The following FREM2 variants were observed in gnomAD, a reference collection of about 807,000 sequenced individuals.
FREM2 encodes the protein FRAS1 related extracellular matrix 2.
A neutral mutation model predicts 219.9 loss-of-function variants in FREM2; 119 were observed. The ratio of observed to expected loss-of-function variants is 0.54; its 90% CI spans 0.47 to 0.63. FREM2 has a LOEUF of 0.63. Among genes scored for constraint, FREM2 ranks in the 30% least tolerant of loss-of-function variants. FREM2 has a pLI of 0.00. For missense variants in FREM2, 4,030 were observed against 3,993.6 expected (o/e 1.01, Z -0.25); for synonymous variants, 1,562 against 1,522.8 (o/e 1.03, Z -0.60).
intron 6 of FREM2, among the ~76,000 whole-genome samples, chr13:38,823,675 A>AAATAAT (rs200864241): frequency 2.0e-5 from 3 of 151,946 alleles, no homozygotes; most frequent in Admixed American, 2.0e-4. Flanking sequence ...CCAATAATTA[A>AAATAAT]AATAATAATA....
intron 6 of FREM2, among the ~76,000 whole-genome samples, chr13:38,832,769 G>A (rs1876559573): frequency 6.6e-6 from 1 of 152,086 alleles, no homozygotes; most frequent in African/African-American, 2.4e-5. Flanking sequence ...TCTCAGCAGG[G>A]TTCAGTGGCT....
intron 12 of FREM2, among the ~76,000 whole-genome samples, chr13:38,856,563 A>G (rs567752766): frequency 4.6e-5 from 7 of 152,158 alleles, no homozygotes; most frequent in Admixed American, 1.3e-4. Context: ...CTTGGGATTA[A>G]CCATCAGAGA....
In FREM2 at chr13:38,874,477, T is replaced by A. The variant is rs753903370; in HGVS notation, c.8177-5T>A. On this transcript the variant is annotated splice_region_variant and splice_polypyrimidine_tract_variant and intron_variant, in intron 17 of 23. Coordinates refer to ENST00000280481, the MANE Select transcript of FREM2 (RefSeq NM_207361.6). The stretch of plus-strand genomic sequence containing the variant: ...TTTTCATTCTTGGTACTCTCCCCAT[T>A]ATAGGTTCTCTCTATCCAACCAGCA... 1 of 1,612,062 alleles carries A rather than the reference T, an allele frequency of 6.2e-7. No homozygotes were observed. The highest frequency in any genetic ancestry group is 2.2e-5 in the East Asian group (1 of 44,874).
Position 38,734,206 on chromosome 13 carries a change from A to G in FREM2, c.5264-30098A>G, listed in dbSNP as rs185688136. Among the ~76,000 whole-genome samples the G allele has an allele frequency of 6.6e-5, 10 of 152,176 alleles. 1 individual carries two copies. Among genetic ancestry groups the G allele is most frequent in the African/African-American group, 2.4e-4 (10 of 41,562 alleles). Reference sequence around the variant, plus strand: ...GAAAAGAAACAGGAAAAAACAAAAAAGCAAAGAAACATAACAAAATAACAT... The same window carrying G: ...GAAAAGAAACAGGAAAAAACAAAAAGGCAAAGAAACATAACAAAATAACAT... On this transcript the variant is annotated intron_variant, in intron 2 of 23. Transcript: ENST00000280481.
chr13:38,769,899 A>T, intron 4 of FREM2, 91 bp downstream of exon 4: 1 of 921,004 alleles, frequency 1.1e-6, no homozygotes, highest in East Asian at 2.5e-5. Flanking sequence ...TTTTAAATTC[A>T]ATGTTTGAAA....
intron 6 of FREM2, among the ~76,000 whole-genome samples, chr13:38,833,461 T>C (rs1876588514): frequency 6.6e-6 from 1 of 152,142 alleles, no homozygotes; most frequent in Admixed American, 6.6e-5. Context: ...GCAACCCTTA[T>C]CATTTTAAGA....
intron 6 of FREM2, among the ~76,000 whole-genome samples, chr13:38,835,942 C>G (rs1876688555): frequency 1.3e-5 from 2 of 152,142 alleles, no homozygotes; most frequent in Non-Finnish European, 2.9e-5. Context: ...ATTTCTTTCC[C>G]TTGCCTGATT....
At chr13:38,806,950 CT>C (rs755877294) in intron 6 of FREM2, among the ~76,000 whole-genome samples, 3 of 151,286 alleles carry the variant, frequency 2.0e-5, no homozygotes, top group African/African-American at 4.8e-5. Context: ...AAACCACTTT[CT>C]TTCCTTATTC....
At chr13:38,748,933 G>A (rs1159169284) in intron 2 of FREM2, among the ~76,000 whole-genome samples, 2 of 152,164 alleles carry the variant, frequency 1.3e-5, no homozygotes, top group Admixed American at 1.3e-4. Context: ...AGGTACATGT[G>A]TGTGTACTGA....
At chr13:38,730,115 A>G (rs1001994707) in intron 2 of FREM2, among the ~76,000 whole-genome samples, 1 of 152,206 alleles carries the variant, frequency 6.6e-6, no homozygotes, top group Non-Finnish European at 1.5e-5. Context: ...CTAGTGTTAA[A>G]TAAACAAAAA....
intron 2 of FREM2, among the ~76,000 whole-genome samples, chr13:38,733,662 T>G (rs1192835910): frequency 6.6e-6 from 1 of 152,156 alleles, no homozygotes; most frequent in Non-Finnish European, 1.5e-5. Context: ...TTTGTCTTAC[T>G]GTTTATTTTA....
chr13:38,691,388 A>G lies in FREM2; in HGVS notation c.4044A>G (p.Gly1348=), dbSNP rs777784469. 1.1e-5 allele frequency: 17 copies of G among 1,614,012 alleles called. No individual in the cohort carries two copies. Among genetic ancestry groups the G allele is most frequent in the Admixed American group, 1.7e-5 (1 of 60,002 alleles). Residue 1348 remains glycine, a synonymous_variant, in exon 1 of 24, where the codon GGA becomes GGG. Coordinates refer to ENST00000280481, the MANE Select transcript of FREM2 (RefSeq NM_207361.6). ...SLVYIIRYGP[G]HGLLQRRKPT... ...TTTATATTATTCGTTATGGGCCAGGACATGGCTTATTACAGAGACGAAAAC... is the reference window on the plus strand; with the variant it reads ...TTTATATTATTCGTTATGGGCCAGGGCATGGCTTATTACAGAGACGAAAAC...
At chr13:38,709,549 C>T (rs571541280) in intron 2 of FREM2, among the ~76,000 whole-genome samples, 128 of 151,814 alleles carry the variant, frequency 8.4e-4, no homozygotes, top group Non-Finnish European at 3.8e-4. Context: ...GGTTGTTAGA[C>T]TATTATGTAG....
chr13:38,831,878 C>T (rs1013428767), intron 6 of FREM2, among the ~76,000 whole-genome samples: 2 of 151,782 alleles, frequency 1.3e-5, no homozygotes, highest in Non-Finnish European at 2.9e-5. Flanking sequence ...CCTTGGCCTA[C>T]CGGAGTGCTG....
At chr13:38,798,920 T>C (rs533618043) in intron 6 of FREM2, among the ~76,000 whole-genome samples, 1 of 152,156 alleles carries the variant, frequency 6.6e-6, no homozygotes, top group East Asian at 1.9e-4. Flanking sequence ...GAGAACCAAC[T>C]TTTTCTTTCA....
rs1039712744 is a variant in FREM2, at chr13:38,687,130, G to T, written c.-215G>T. The T allele has an allele frequency of 6.5e-6, 4 of 618,284 alleles. No individual in the cohort carries two copies. The African/African-American group carries it at 7.4e-5, about 11-fold the overall frequency. 38.3% of individuals were successfully genotyped at this position (618,284 alleles called of 1,614,324 possible). ...GATTGAGGCGCTAGCGGCGGAGCTGGACGGCCTGGGAAGGCTTCGGCTCCT... is the reference window on the plus strand; with the variant it reads ...GATTGAGGCGCTAGCGGCGGAGCTGTACGGCCTGGGAAGGCTTCGGCTCCT... On this transcript the variant is annotated 5_prime_UTR_variant, in exon 1 of 24. Transcript: ENST00000280481.
intron 6 of FREM2, among the ~76,000 whole-genome samples, chr13:38,805,110 A>G (rs1313440718): frequency 1.3e-5 from 2 of 152,270 alleles, no homozygotes; most frequent in East Asian, 1.9e-4. Context: ...TTGGCAGTAG[A>G]GCCTGGATAA....
intron 1 of FREM2, 31 bp from the exon 2 acceptor site, chr13:38,697,663 GTAAT>G: frequency 8.5e-7 from 1 of 1,173,662 alleles, no homozygotes; most frequent in Non-Finnish European, 1.3e-6. Flanking sequence ...TTTTACTCTG[GTAAT>G]TAATCATCTT....
At chr13:38,825,986 A>G (rs1876267449) in intron 6 of FREM2, among the ~76,000 whole-genome samples, 1 of 152,300 alleles carries the variant, frequency 6.6e-6, no homozygotes, top group South Asian at 2.1e-4. Context: ...AAGAAGTCAT[A>G]TAAAAATCAT....
Sources: allele counts gnomAD v4.1 joint callset (sites outside exome capture counted in the v4.1 genomes callset), GRCh38; gene constraint gnomAD v4.1.1; transcripts MANE v1.5; gene names NCBI Gene and HGNC (gene_info 2026-07-23, HGNC 2026-07-21).